Variants in ANKHD1 observed in about 807,000 individuals in gnomAD.
The protein encoded by ANKHD1 is ankyrin repeat and KH domain-containing protein 1.
A neutral mutation model predicts 230.5 loss-of-function variants in ANKHD1; 31 were observed. The observed-to-expected ratio is 0.13, with a 90% CI of 0.10 to 0.18. The LOEUF (loss-of-function observed/expected upper bound fraction) is 0.18, where lower values mean the gene tolerates loss of function less well. Ranked by LOEUF, ANKHD1 falls within the 10% of genes least tolerant of loss-of-function variation. The pLI is 1.00. For synonymous variants in ANKHD1, 1,074 were observed against 1,117.6 expected (o/e 0.96, Z 0.78); for missense variants, 2,256 against 3,071.3 (o/e 0.73, Z 6.27).
Position 140,402,154 on chromosome 5 carries a change from G to T in ANKHD1, c.187G>T (p.Gly63Cys). Reference sequence around the variant, plus strand: ...GGGAGTCGGCAGCAGCGGCGGCGGCGGCAGCGGCAGCGGTACGGGCGGAGG... The same window carrying T: ...GGGAGTCGGCAGCAGCGGCGGCGGCTGCAGCGGCAGCGGTACGGGCGGAGG... ...ASGVGSSGGG[G>C]SGSGTGGGDA... The change falls in exon 1 of 34, where the codon GGC (glycine) becomes TGC (cysteine). Residue 63 changes from glycine (G) to cysteine (C), a missense_variant. Gly to Cys is a radical substitution (Grantham distance 159). This residue lies in a region of ANKHD1 where 193 missense variants were observed against 185.8 expected (regional missense o/e 1.04). Coordinates refer to ENST00000360839, the MANE Select transcript of ANKHD1 (RefSeq NM_017747.3). The T allele has an allele frequency of 6.5e-7, 1 of 1,527,452 alleles. No individual in the cohort carries two copies. Among genetic ancestry groups the T allele is most frequent in the Non-Finnish European group, 8.8e-7 (1 of 1,142,658 alleles). 94.6% of individuals were successfully genotyped at this position (1,527,452 alleles called of 1,614,324 possible).
chr5:140,434,048 T>C (rs1409579500), intron 1 of ANKHD1, among the ~76,000 whole-genome samples: 1 of 152,186 alleles, frequency 6.6e-6, no homozygotes, highest in East Asian at 1.9e-4. Flanking sequence ...GGTCTGAAGT[T>C]AAAGATTCAT....
intron 7 of ANKHD1, among the ~76,000 whole-genome samples, chr5:140,453,083 G>A (rs1294361457): frequency 6.6e-6 from 1 of 152,186 alleles, no homozygotes; most frequent in Non-Finnish European, 1.5e-5. Flanking sequence ...ACAAGCCTCA[G>A]TAGCCGATTC....
rs1463199839 is a variant in ANKHD1, at chr5:140,528,704, G to T, written c.5758G>T (p.Val1920Phe). Residue 1920 changes from valine to phenylalanine, a missense_variant, in exon 29 of 34, where the codon GTT (valine) becomes TTT (phenylalanine). Transcript: ENST00000360839. The stretch of plus-strand genomic sequence containing the variant: ...CCGTCTACCTAACCAGAACGGGACT[G>T]TTTTACCCTCAGAGTCTGCTGGACT... ...TSRLPNQNGT[V>F]LPSESAGLAT... 1 of 1,614,140 alleles carries T rather than the reference G, an allele frequency of 6.2e-7. No individual in the cohort carries two copies. Among genetic ancestry groups the T allele is most frequent in the Admixed American group, 1.7e-5 (1 of 60,020 alleles).
rs1769966719 is a variant in ANKHD1, at chr5:140,401,837, A to C, written c.-131A>C. On this transcript the variant is annotated 5_prime_UTR_variant, in exon 1 of 34. Coordinates refer to ENST00000360839, the MANE Select transcript of ANKHD1 (RefSeq NM_017747.3). ...GCGGGAGGCAGCAGGTTAGGCAGTGAGAAGTTAGTGGCGCTGCTGGGACGG... is the reference window on the plus strand; with the variant it reads ...GCGGGAGGCAGCAGGTTAGGCAGTGCGAAGTTAGTGGCGCTGCTGGGACGG... The C allele has an allele frequency of 8.7e-6, 12 of 1,385,292 alleles. No individual in the cohort carries two copies. The Admixed American group carries it at 4.2e-4, about 49-fold the overall frequency. 85.8% of individuals were successfully genotyped at this position (1,385,292 alleles called of 1,614,324 possible).
chr5:140,485,631 A>G lies in ANKHD1; in HGVS notation c.2041A>G (p.Thr681Ala), dbSNP rs1751471902. The G allele has an allele frequency of 6.2e-7, 1 of 1,613,918 alleles. No individual in the cohort carries two copies. Among genetic ancestry groups the G allele is most frequent in the African/African-American group, 1.3e-5 (1 of 74,908 alleles). ...CATTGAAGCTGCAAAGGGTGGCCAT[A>G]CTAATGTAGTTTCTTATCTGTTGGA... is the stretch of plus-strand genomic sequence containing the variant. ...MLIEAAKGGH[T>A]NVVSYLLDYP... is the part of the protein sequence containing the mutation. The change falls in exon 13 of 34, where the codon ACT (threonine) becomes GCT (alanine). Residue 681 changes from threonine to alanine, a missense_variant. Thr to Ala is a moderately conservative substitution (Grantham distance 58). Coordinates refer to ENST00000360839, the MANE Select transcript of ANKHD1 (RefSeq NM_017747.3). This position sits in a 1 kb window ranked among gnomAD's most constrained non-coding sequence, Gnocchi z 4.8.
intron 7 of ANKHD1, among the ~76,000 whole-genome samples, chr5:140,456,253 G>T (rs1775180397): frequency 6.6e-6 from 1 of 152,122 alleles, no homozygotes; most frequent in Admixed American, 6.6e-5. Context: ...CATGGATAGG[G>T]AGATTCAATA....
intron 7 of ANKHD1, among the ~76,000 whole-genome samples, chr5:140,449,661 CA>C (rs1164180028): frequency 0.018 from 1,576 of 87,406 alleles, 8 homozygotes; most frequent in African/African-American, 0.053. Context: ...GACTCGGTCT[CA>C]AAAAAAAAAA....
intron 1 of ANKHD1, among the ~76,000 whole-genome samples, chr5:140,411,862 T>C (rs1053995006): frequency 2.0e-5 from 3 of 150,356 alleles, no homozygotes; most frequent in Non-Finnish European, 4.4e-5. Context: ...AGGGTCCCGT[T>C]ATGTCACCCA....
At chr5:140,467,007 A>T (rs1361050537) in intron 10 of ANKHD1, among the ~76,000 whole-genome samples, 3 of 152,118 alleles carry the variant, frequency 2.0e-5, no homozygotes, top group Non-Finnish European at 4.4e-5. Context: ...CATTGTTCTA[A>T]CATAATTATT....
chr5:140,440,334 C>T, intron 4 of ANKHD1, 68 bp downstream of exon 4: 2 of 1,510,210 alleles, frequency 1.3e-6, no homozygotes, highest in Non-Finnish European at 1.8e-6. Context: ...ATTTTTGTCA[C>T]TTATAAGATA....
chr5:140,410,478 G>A (rs1439904753), intron 1 of ANKHD1, among the ~76,000 whole-genome samples: 2 of 151,776 alleles, frequency 1.3e-5, no homozygotes, highest in Non-Finnish European at 2.9e-5. Context: ...TTAAAGAAAA[G>A]CAAAACAGTT....
At chr5:140,424,486 A>T (rs1193286297) in intron 1 of ANKHD1, among the ~76,000 whole-genome samples, 1 of 152,076 alleles carries the variant, frequency 6.6e-6, no homozygotes, top group East Asian at 1.9e-4. Context: ...TGTAGAGATG[A>T]TATGTTCAAA....
At position 140,507,732 on chromosome 5, in the gene ANKHD1, A is replaced by G; in HGVS notation, c.3552-53A>G. On this transcript the variant is annotated intron_variant, in intron 19 of 33. Coordinates refer to ENST00000360839, the MANE Select transcript of ANKHD1 (RefSeq NM_017747.3). This position sits in a 1 kb window ranked among gnomAD's most constrained non-coding sequence, Gnocchi z 4.1. ...ACCTTTTCATCTTTAATGCTTTTCT[A>G]AAATAATAGGCAACATATTATTTTA... is the stretch of plus-strand genomic sequence containing the variant. 1 of 1,582,406 alleles carries G rather than the reference A, an allele frequency of 6.3e-7. No individual in the cohort carries two copies. The highest frequency in any genetic ancestry group is 8.6e-7 in the Non-Finnish European group (1 of 1,161,754).
In ANKHD1 at chr5:140,507,411, G is replaced by A. The variant is rs1305978808; in HGVS notation, c.3552-374G>A. ...CGAACTCTGCCTCCGGGGTTCAAGC[G>A]ATTCTTATGCCTCAGCCTCCCAGGT... On this transcript the variant is annotated intron_variant, in intron 19 of 33. Transcript: ENST00000360839. This position sits in a 1 kb window ranked among gnomAD's most constrained non-coding sequence, Gnocchi z 4.1. 6.6e-6 allele frequency among the ~76,000 whole-genome samples: 1 copy of A among 152,224 alleles called. No homozygotes were observed. Among genetic ancestry groups the A allele is most frequent in the Admixed American group, 6.5e-5 (1 of 15,286 alleles).
chr5:140,402,157 A>G lies in ANKHD1; in HGVS notation c.190A>G (p.Ser64Gly), dbSNP rs749566779. 5.1e-5 allele frequency: 78 copies of G among 1,528,904 alleles called. No homozygotes were observed. The highest frequency in any genetic ancestry group is 4.2e-4 in the African/African-American group (30 of 70,802). The allele number at this position is 1,528,904 out of a possible 1,614,324, so 94.7% of individuals were successfully genotyped here. Residue 64 changes from serine to glycine, a missense_variant, in exon 1 of 34, where the codon AGC becomes GGC. Ser to Gly is a moderately conservative substitution (Grantham distance 56). This residue lies in a region of ANKHD1 where 193 missense variants were observed against 185.8 expected (regional missense o/e 1.04). Coordinates refer to ENST00000360839, the MANE Select transcript of ANKHD1 (RefSeq NM_017747.3). ...AGTCGGCAGCAGCGGCGGCGGCGGC[A>G]GCGGCAGCGGTACGGGCGGAGGGGA... ...SGVGSSGGGGSGSGTGGGDAA... is the reference protein window; with the variant it reads ...SGVGSSGGGGGGSGTGGGDAA...
At chr5:140,435,161 G>A (rs1280455595) in intron 1 of ANKHD1, among the ~76,000 whole-genome samples, 1 of 152,040 alleles carries the variant, frequency 6.6e-6, no homozygotes, top group African/African-American at 2.4e-5. Flanking sequence ...CCTGTCTAAA[G>A]GTCTCCAGGT....
At position 140,526,912 on chromosome 5, in the gene ANKHD1, A is replaced by G. The variant is rs1189863888; in HGVS notation, c.4941-16A>G. 3 of 1,602,328 alleles carry G rather than the reference A, an allele frequency of 1.9e-6. No individual in the cohort carries two copies. Among genetic ancestry groups the G allele is most frequent in the African/African-American group, 1.3e-5 (1 of 74,408 alleles). ...AAACTTATCTTTTATTGTACTTGCT[A>G]TTTGTCTCTTCTTAGACTTGAAGGT... On this transcript the variant is annotated splice_polypyrimidine_tract_variant and intron_variant, in intron 26 of 33. Transcript: ENST00000360839.
chr5:140,519,773 C>T (rs1340820463), intron 24 of ANKHD1, among the ~76,000 whole-genome samples: 1 of 152,080 alleles, frequency 6.6e-6, no homozygotes, highest in South Asian at 2.1e-4. Flanking sequence ...ATACAAAAAT[C>T]AGTTCAAGAT....
chr5:140,507,982 T>C lies in ANKHD1; in HGVS notation c.3749T>C (p.Val1250Ala). Residue 1250 changes from valine (V) to alanine (A), a missense_variant, in exon 20 of 34, where the codon GTT becomes GCT. This residue lies in a region of ANKHD1 where 195 missense variants were observed against 340.3 expected (regional missense o/e 0.57). Transcript: ENST00000360839. This position sits in a 1 kb window ranked among gnomAD's most constrained non-coding sequence, Gnocchi z 4.1. ...VSLLLDRKAN[V>A]EHRAKTGLTP... Reference sequence around the variant, plus strand: ...TTGCTTCTGGACCGAAAAGCCAATGTTGAACATAGGGCAAAGGTAAGCATT... The same window carrying C: ...TTGCTTCTGGACCGAAAAGCCAATGCTGAACATAGGGCAAAGGTAAGCATT... The C allele has an allele frequency of 6.2e-7, 1 of 1,613,872 alleles. No individual in the cohort carries two copies. The highest frequency in any genetic ancestry group is 1.3e-5 in the African/African-American group (1 of 75,038).
Sources: allele counts gnomAD v4.1 joint callset (sites outside exome capture counted in the v4.1 genomes callset), GRCh38; gene constraint gnomAD v4.1.1; regional missense constraint gnomAD v4.1.1; non-coding constraint Gnocchi (gnomAD v3.1); transcripts MANE v1.5; gene names NCBI Gene and HGNC (gene_info 2026-07-23, HGNC 2026-07-21).